The following HEMK2 variants were observed in gnomAD, a reference collection of about 807,000 sequenced individuals.
HEMK2 encodes methyltransferase HEMK2.
the HEMK2 span, among the ~76,000 whole-genome samples, chr21:28,600,072 T>A: frequency 6.6e-6 from 1 of 152,214 alleles, no homozygotes; most frequent in Admixed American, 6.5e-5. Context: ...AGGTGCACAG[T>A]GCAAGCTGCA....
At chr21:28,809,015 G>C in the HEMK2 span, among the ~76,000 whole-genome samples, 44 of 152,316 alleles carry the variant, frequency 2.9e-4, 1 homozygote, top group East Asian at 7.3e-3. Flanking sequence ...TGTGCAAAAA[G>C]AGTGGCAATA....
the HEMK2 span, among the ~76,000 whole-genome samples, chr21:28,760,929 C>G: frequency 6.6e-6 from 1 of 152,128 alleles, no homozygotes; most frequent in Non-Finnish European, 1.5e-5. Flanking sequence ...CCCTTTCAAA[C>G]ATATACAGAT....
At chr21:28,705,499 T>C in the HEMK2 span, among the ~76,000 whole-genome samples, 18 of 152,308 alleles carry the variant, frequency 1.2e-4, no homozygotes, top group East Asian at 3.3e-3. Context: ...GCTTCTTCTC[T>C]TATTACTTGG....
the HEMK2 span, among the ~76,000 whole-genome samples, chr21:28,629,029 G>A: frequency 6.6e-6 from 1 of 152,162 alleles, no homozygotes; most frequent in African/African-American, 2.4e-5. Context: ...CCAAGTGAGT[G>A]AAAATTCCTG....
At chr21:28,839,190 C>G in the HEMK2 span, among the ~76,000 whole-genome samples, 1 of 151,308 alleles carries the variant, frequency 6.6e-6, no homozygotes, top group African/African-American at 2.4e-5. Context: ...AGTTAAAACT[C>G]TCAACAAAAT....
chr21:28,859,799 A>G, the HEMK2 span, among the ~76,000 whole-genome samples: 16,885 of 152,000 alleles, frequency 0.11, 1,448 homozygotes, highest in African/African-American at 0.23. Context: ...CCCCTCCCCC[A>G]GCTCTCCATA....
At chr21:28,772,141 G>A in the HEMK2 span, among the ~76,000 whole-genome samples, 3,980 of 152,234 alleles carry the variant, frequency 0.026, 89 homozygotes, top group Middle Eastern at 0.099. Flanking sequence ...CTGTGGTTCT[G>A]AAATCAAAGC....
At chr21:28,601,958 A>G in the HEMK2 span, among the ~76,000 whole-genome samples, 1 of 152,316 alleles carries the variant, frequency 6.6e-6, no homozygotes, top group Admixed American at 6.5e-5. Flanking sequence ...CAGCTGCCCA[A>G]TAGAGCACTG....
chr21:28,843,259 T>C, the HEMK2 span, among the ~76,000 whole-genome samples: 1 of 152,234 alleles, frequency 6.6e-6, no homozygotes, highest in East Asian at 1.9e-4. Flanking sequence ...AAGGTTTACT[T>C]GACTCACAGT....
chr21:28,884,620 T>G, the HEMK2 span, among the ~76,000 whole-genome samples: 1 of 152,192 alleles, frequency 6.6e-6, no homozygotes, highest in Admixed American at 6.5e-5. Context: ...GTAACTTTTT[T>G]TTGGTAACAA....
chr21:28,758,718 G>A, the HEMK2 span, among the ~76,000 whole-genome samples: 6 of 152,096 alleles, frequency 3.9e-5, no homozygotes, highest in African/African-American at 1.2e-4. Flanking sequence ...CATGAAACCC[G>A]ATCCTCAGGC....
At chr21:28,831,454 GA>G in the HEMK2 span, among the ~76,000 whole-genome samples, 1,952 of 47,376 alleles carry the variant, frequency 0.041, 208 homozygotes, top group African/African-American at 0.086. Context: ...CAAAAAGAAA[GA>G]AAAGAACGAA....
chr21:28,699,955 T>A, the HEMK2 span, among the ~76,000 whole-genome samples: 1 of 152,214 alleles, frequency 6.6e-6, no homozygotes, highest in East Asian at 1.9e-4. Context: ...ATTTCTTCAA[T>A]ACAGTTTAAT....
chr21:28,842,933 A>G, the HEMK2 span, among the ~76,000 whole-genome samples: 4 of 152,154 alleles, frequency 2.6e-5, no homozygotes, highest in African/African-American at 9.7e-5. Context: ...CAAGTCTACA[A>G]TGGGAGATAG....
At chr21:28,770,189 G>C in the HEMK2 span, among the ~76,000 whole-genome samples, 3 of 152,118 alleles carry the variant, frequency 2.0e-5, no homozygotes, top group Admixed American at 2.0e-4. Flanking sequence ...TTTGGGGATT[G>C]CTTCTCTGCT....
the HEMK2 span, among the ~76,000 whole-genome samples, chr21:28,707,418 G>C: frequency 1.4e-3 from 208 of 151,928 alleles, 2 homozygotes; most frequent in African/African-American, 4.9e-3. Context: ...ACCAGACTGG[G>C]CTAATTTTTG....
the HEMK2 span, among the ~76,000 whole-genome samples, chr21:28,605,267 A>G: frequency 5.4e-4 from 83 of 152,344 alleles, no homozygotes; most frequent in African/African-American, 2.0e-3. Flanking sequence ...CACAGATATT[A>G]ATGCTGAGTC....
chr21:28,835,076 C>CA, the HEMK2 span, among the ~76,000 whole-genome samples: 1 of 152,128 alleles, frequency 6.6e-6, no homozygotes, highest in African/African-American at 2.4e-5. Flanking sequence ...TCACGGAAGA[C>CA]AAAGGGCATA....
chr21:28,882,302 G>C, the HEMK2 span: 3 of 1,344,300 alleles, frequency 2.2e-6, no homozygotes, highest in African/African-American at 1.5e-5. Flanking sequence ...AGGCAAATCT[G>C]TTACTGAGTA....
Sources: gnomAD v4.1 joint callset for allele counts (sites outside exome capture counted in the v4.1 genomes callset) on GRCh38, gnomAD v4.1.1 for gene constraint, MANE v1.5 for transcripts, NCBI Gene and HGNC (gene_info 2026-07-23, HGNC 2026-07-21) for gene names.